DST: variants seen among roughly 807,000 people sequenced by gnomAD.
DST encodes the protein dystonin.
In DST, 253 loss-of-function variants were observed where a neutral mutation model predicts 875.2. The ratio of observed to expected loss-of-function variants is 0.29; its 90% confidence interval spans 0.26 to 0.32. The LOEUF is 0.32. Among genes scored for constraint, DST ranks in the 10% least tolerant of loss-of-function variants. The probability of loss-of-function intolerance (pLI) is 1.00; values close to 1 mark genes in which losing one functional copy is unlikely to be tolerated. For synonymous variants in DST, 3,124 were observed against 3,197.1 expected (o/e 0.98, Z 0.77); for missense variants, 8,287 against 9,111.6 (o/e 0.91, Z 3.68).
chr6:56,601,673 C>T lies in DST; in HGVS notation c.11311G>A (p.Val3771Ile). The change falls in exon 44 of 104, where the codon GTA (valine) becomes ATA (isoleucine). Residue 3771 changes from valine to isoleucine, a missense_variant. Val to Ile is a conservative substitution (Grantham distance 29). Coordinates refer to ENST00000680361, the MANE Select transcript of DST (RefSeq NM_001374736.1). ...VKKRLEFLKNVLKDLGHTKMQ... is the reference protein window; with the variant it reads ...VKKRLEFLKNILKDLGHTKMQ... ...TTGGTATGTCCAAGGTCTTTTAATACATTCTGTTAAAAAAGTAGTACAAGC... is the reference window on the plus strand; with the variant it reads ...TTGGTATGTCCAAGGTCTTTTAATATATTCTGTTAAAAAAGTAGTACAAGC... 3 of 1,554,820 alleles carry T rather than the reference C, an allele frequency of 1.9e-6. No individual in the cohort carries two copies. The highest frequency in any genetic ancestry group is 2.6e-6 in the Non-Finnish European group (3 of 1,146,664).
chr6:56,936,290 T>C (rs1365661056), intron 2 of DST, among the ~76,000 whole-genome samples: 1 of 152,210 alleles, frequency 6.6e-6, no homozygotes, highest in Non-Finnish European at 1.5e-5. Flanking sequence ...ATAGAATGCA[T>C]TGAGCAGCTA....
At chr6:56,847,341 CAAAT>C (rs1324479044) in intron 4 of DST, among the ~76,000 whole-genome samples, 1 of 152,096 alleles carries the variant, frequency 6.6e-6, no homozygotes, top group Admixed American at 6.6e-5. Context: ...TTTAAATAAA[CAAAT>C]AAATAATAAG....
chr6:56,508,158 G>C (rs569322420), intron 75 of DST, among the ~76,000 whole-genome samples: 1 of 151,976 alleles, frequency 6.6e-6, no homozygotes, highest in East Asian at 1.9e-4. Flanking sequence ...CTTCACCCTC[G>C]AACTAGCTGG....
In DST at chr6:56,532,483, T is replaced by C; in HGVS notation, c.16969A>G (p.Lys5657Glu). The C allele has an allele frequency of 1.2e-6, 2 of 1,605,370 alleles. No individual in the cohort carries two copies. The highest frequency in any genetic ancestry group is 1.7e-6 in the Non-Finnish European group (2 of 1,175,562). Residue 5657 changes from lysine to glutamate, a missense_variant, in exon 64 of 104, where the codon AAA becomes GAA. Around this residue, in one of 10 missense-constraint regions of DST, gnomAD observed 777 missense variants for 764.8 expected, o/e 1.02. Transcript: ENST00000680361. ...CGTTTGATTACCTCCACCGTAGATT[T>C]TCGGTCATCCAACAATCTCTGGAGA... ...KLLQRLLDDRKSTVEVIKREG... is the reference protein window; with the variant it reads ...KLLQRLLDDRESTVEVIKREG...
intron 73 of DST, among the ~76,000 whole-genome samples, chr6:56,510,987 T>G (rs1218075954): frequency 1.3e-5 from 2 of 152,292 alleles, no homozygotes; most frequent in East Asian, 3.9e-4. Flanking sequence ...GAAAATTATT[T>G]GTATTATATC....
intron 9 of DST, among the ~76,000 whole-genome samples, chr6:56,697,044 C>G (rs958572111): frequency 5.3e-5 from 8 of 152,170 alleles, no homozygotes; most frequent in Non-Finnish European, 8.8e-5. Context: ...ATGTCTCCAA[C>G]TGCTCAGCAG....
chr6:56,569,379 A>G (rs6931573), intron 54 of DST, among the ~76,000 whole-genome samples: 47,581 of 133,866 alleles, frequency 0.36, 8,881 homozygotes, highest in Middle Eastern at 0.42. Flanking sequence ...GGAATGGGGG[A>G]AAAAAAATGC....
intron 36 of DST, chr6:56,616,654 C>T: frequency 6.2e-7 from 1 of 1,614,182 alleles, no homozygotes; most frequent in Non-Finnish European, 8.5e-7. Context: ...TCAACAACCC[C>T]TGCTGCAGAG....
Position 56,629,184 on chromosome 6 carries a change from A to T in DST, c.4475+66T>A. The T allele has an allele frequency of 2.0e-6, 3 of 1,511,844 alleles. No individual in the cohort carries two copies. In the South Asian group the frequency reaches 3.4e-5, roughly 17 times the overall value. The allele number at this position is 1,511,844 out of a possible 1,614,324, so 93.7% of individuals were successfully genotyped here. A position where few individuals can be genotyped will look rare whatever the true frequency, so the allele number is the denominator to read the frequency against. On this transcript the variant is annotated intron_variant, in intron 32 of 103. Transcript: ENST00000680361. The stretch of plus-strand genomic sequence containing the variant: ...TAAAAAAATAGCCTCATATGTGTAG[A>T]TTTTACTCATTTACCATAGATAGAC...
intron 68 of DST, 45 bp downstream of exon 68, chr6:56,527,448 C>A: frequency 6.3e-7 from 1 of 1,591,642 alleles, no homozygotes; most frequent in South Asian, 1.1e-5. Context: ...ATAAGACTGC[C>A]TAAAAGATAA....
chr6:56,470,342 A>G (rs1204508520), intron 95 of DST, 60 bp from the exon 96 acceptor site: 2 of 1,373,076 alleles, frequency 1.5e-6, no homozygotes, highest in Non-Finnish European at 2.0e-6. Flanking sequence ...AGACATTCTC[A>G]ATTGCACATT....
chr6:56,681,211 G>A (rs1056378550), intron 9 of DST, among the ~76,000 whole-genome samples: 11 of 151,836 alleles, frequency 7.2e-5, no homozygotes, highest in African/African-American at 2.2e-4. Context: ...TTACCCAGTT[G>A]CCCCCAAATA....
rs974742458 is a variant in DST at position 56,568,487 on chromosome 6, T to C, written c.13987A>G (p.Ile4663Val). 5.0e-6 allele frequency: 8 copies of C among 1,604,422 alleles called. No homozygotes were observed. Among genetic ancestry groups the C allele is most frequent in the Non-Finnish European group, 6.8e-6 (8 of 1,177,104 alleles). ...CTCATACCTGATTTAACTGCTGCTATTGCCTTTGCAGGGGTGGTCACAGCA... is the reference window on the plus strand; with the variant it reads ...CTCATACCTGATTTAACTGCTGCTACTGCCTTTGCAGGGGTGGTCACAGCA... ...ISAVTTPAKA[I>V]AAVKSGGAVL... The change falls in exon 55 of 104, where the codon ATA (isoleucine) becomes GTA (valine). Residue 4663 changes from isoleucine (I) to valine (V), a missense_variant. This residue lies in a region of DST where 1,513 missense variants were observed against 1,677.8 expected (regional missense o/e 0.90). Transcript: ENST00000680361.
chr6:56,615,749 C>T lies in DST; in HGVS notation c.4930-1265G>A, dbSNP rs778513837. ...TTGGAGAGCCTCTTCTATTGATAAC[C>T]GAGAGTGAACCTGTGGCTCTATCAA... On this transcript the variant is annotated intron_variant, in intron 36 of 103. Coordinates refer to ENST00000680361, the MANE Select transcript of DST (RefSeq NM_001374736.1). 2.9e-5 allele frequency: 46 copies of T among 1,613,976 alleles called. No individual in the cohort carries two copies. The highest frequency in any genetic ancestry group is 3.8e-5 in the Non-Finnish European group (45 of 1,179,986).
At chr6:56,682,328 G>A (rs1049129251) in intron 9 of DST, among the ~76,000 whole-genome samples, 3 of 151,930 alleles carry the variant, frequency 2.0e-5, no homozygotes, top group Admixed American at 1.3e-4. Flanking sequence ...ATGAGGCACC[G>A]TACCTGGCTT....
chr6:56,701,124 C>T (rs115581298), intron 8 of DST, among the ~76,000 whole-genome samples: 2,284 of 151,640 alleles, frequency 0.015, 57 homozygotes, highest in African/African-American at 0.052. Context: ...AGATTACTGG[C>T]ATGAGCCACC....
chr6:56,926,615 GAGCCAGGC>G (rs1224207835), intron 2 of DST, among the ~76,000 whole-genome samples: 3 of 152,158 alleles, frequency 2.0e-5, no homozygotes, highest in Non-Finnish European at 4.4e-5. Context: ...AAGAAATGAT[GAGCCAGGC>G]AGCTAGCGAT....
Position 56,573,592 on chromosome 6 carries a change from G to A in DST, c.13236+87C>T, listed in dbSNP as rs2097812527. Reference sequence around the variant, plus strand: ...AAATGTCTCTTTTTTGTGTCCTTAAGTTTATCTTAAATCTAACTACACTTT... The same window carrying A: ...AAATGTCTCTTTTTTGTGTCCTTAAATTTATCTTAAATCTAACTACACTTT... On this transcript the variant is annotated intron_variant, in intron 51 of 103. Coordinates refer to ENST00000680361, the MANE Select transcript of DST (RefSeq NM_001374736.1). 3.3e-5 allele frequency: 33 copies of A among 1,000,318 alleles called. 1 individual carries two copies. In the South Asian group the frequency reaches 4.9e-4, roughly 15 times the overall value. The allele number at this position is 1,000,318 out of a possible 1,614,324, so 62.0% of individuals were successfully genotyped here.
At chr6:56,847,002 C>CAAAA (rs569665465) in intron 4 of DST, among the ~76,000 whole-genome samples, 2 of 51,998 alleles carry the variant, frequency 3.8e-5, no homozygotes, top group African/African-American at 6.7e-5. Flanking sequence ...GACCCTGTCT[C>CAAAA]AAAAAAAAAA....
Sources: gnomAD v4.1 joint callset for allele counts (sites outside exome capture counted in the v4.1 genomes callset) on GRCh38, gnomAD v4.1.1 for gene constraint, gnomAD v4.1.1 regional missense constraint, MANE v1.5 for transcripts, NCBI Gene and HGNC (gene_info 2026-07-23, HGNC 2026-07-21) for gene names.